Variants in GABRP observed in about 807,000 individuals in gnomAD.
GABRP encodes the protein gamma-aminobutyric acid receptor subunit pi.
GABRP carries 52 observed loss-of-function variants against 47.8 expected under a neutral mutation model. That is an observed-to-expected ratio of 1.09 (90% CI 0.87 to 1.37). The LOEUF is 1.37. Among genes scored for constraint, GABRP ranks in the 40% most tolerant of loss-of-function variants. The pLI is 0.00. For synonymous variants in GABRP, 221 were observed against 205.8 expected, an observed-to-expected ratio of 1.07 and a Z score of -0.63; for missense variants, 525 against 542.8, an observed-to-expected ratio of 0.97 and a Z score of 0.33.
At chr5:170,793,533 A>G (rs889339687) in intron 3 of GABRP, among the ~76,000 whole-genome samples, 1 of 152,212 alleles carries the variant, frequency 6.6e-6, no homozygotes, top group African/African-American at 2.4e-5. Context: ...GAAGAGAAGC[A>G]AAGTATCAGG....
chr5:170,809,108 T>C (rs950463881), intron 8 of GABRP, among the ~76,000 whole-genome samples: 22 of 152,154 alleles, frequency 1.4e-4, no homozygotes, highest in African/African-American at 5.3e-4. Context: ...AACTTATTTT[T>C]GTATTTTTAG....
intron 6 of GABRP, among the ~76,000 whole-genome samples, chr5:170,801,789 C>T (rs544979345): frequency 6.6e-6 from 1 of 151,596 alleles, no homozygotes; most frequent in South Asian, 2.1e-4. Flanking sequence ...GAGAACTCTA[C>T]AGTCTAATAG....
intron 1 of GABRP, 120 bp from the exon 2 acceptor site, chr5:170,788,454 G>C (rs1390123833): frequency 4.7e-6 from 3 of 637,158 alleles, no homozygotes; most frequent in Non-Finnish European, 8.5e-6. Flanking sequence ...TATGGAAAGA[G>C]GCTGCTTCCT....
chr5:170,788,143 T>C (rs1162863738), intron 1 of GABRP: 1 of 152,922 alleles, frequency 6.5e-6, no homozygotes, highest in Non-Finnish European at 1.5e-5. Flanking sequence ...TTGAGCTGGT[T>C]CGAGACCAGC....
At chr5:170,810,343 T>G (rs1421151424) in intron 9 of GABRP, among the ~76,000 whole-genome samples, 1 of 152,200 alleles carries the variant, frequency 6.6e-6, no homozygotes, top group East Asian at 1.9e-4. Context: ...ACAAGCCTTT[T>G]GCAAATACTA....
Position 170,795,926 on chromosome 5 carries a change from T to C in GABRP, c.458+501T>C, listed in dbSNP as rs183434079. 2.3e-3 allele frequency among the ~76,000 whole-genome samples: 349 copies of C among 152,308 alleles called. 1 individual carries two copies. The highest frequency in any genetic ancestry group is 7.4e-3 in the African/African-American group (309 of 41,548). On this transcript the variant is annotated intron_variant, in intron 5 of 9. Coordinates refer to ENST00000265294, the MANE Select transcript of GABRP (RefSeq NM_014211.3). ...CCACTCTACTTGTCTGAGTCATGTT[T>C]GTAGAGAAAACCAAGGTGCAGTGCC...
At chr5:170,805,508 C>T (rs1294865846) in intron 6 of GABRP, among the ~76,000 whole-genome samples, 4 of 152,322 alleles carry the variant, frequency 2.6e-5, no homozygotes, top group Non-Finnish European at 5.9e-5. Flanking sequence ...TCTCAATTGA[C>T]GGCAAATCGT....
At chr5:170,810,081 A>C (rs1765842560) in intron 9 of GABRP, 1 of 634,690 alleles carries the variant, frequency 1.6e-6, no homozygotes, top group African/African-American at 1.8e-5. Flanking sequence ...GCTGCTTGCA[A>C]GTTTTATATT....
At chr5:170,811,891 C>G (rs1287340706) in intron 9 of GABRP, 65 bp from the exon 10 acceptor site, 4 of 1,432,458 alleles carry the variant, frequency 2.8e-6, no homozygotes, top group Non-Finnish European at 3.9e-6. Context: ...TTTATTAGCT[C>G]ATTACCTACT....
At chr5:170,789,043 C>T (rs1251839210) in intron 2 of GABRP, 86 bp from the exon 3 acceptor site, 7 of 1,005,204 alleles carry the variant, frequency 7.0e-6, no homozygotes, top group Admixed American at 3.7e-5. Context: ...CCCACACACA[C>T]GTGGGCAAAC....
In GABRP at chr5:170,792,812, G is replaced by A. The variant is rs541609920; in HGVS notation, c.173-1419G>A. Among the ~76,000 whole-genome samples the A allele has an allele frequency of 2.2e-3, 338 of 152,250 alleles. 2 individuals carry two copies. Among genetic ancestry groups the A allele is most frequent in the Non-Finnish European group, 3.8e-3 (257 of 68,032 alleles). ...TAGTTTGCCTTGCCGTATTCCTACC[G>A]ATGAGATGTTTTTAAGCTTCTTTTG... On this transcript the variant is annotated intron_variant, in intron 3 of 9. Transcript: ENST00000265294.
chr5:170,808,804 C>T lies in GABRP; in HGVS notation c.832+52C>T, dbSNP rs751052892. 3 of 1,524,358 alleles carry T rather than the reference C, an allele frequency of 2.0e-6. No homozygotes were observed. The South Asian group carries it at 3.5e-5, about 18-fold the overall frequency. The allele number at this position is 1,524,358 out of a possible 1,614,324, so 94.4% of individuals were successfully genotyped here. On this transcript the variant is annotated intron_variant, in intron 8 of 9. Transcript: ENST00000265294. Reference sequence around the variant, plus strand: ...AAGAACTGGCTTATCAGGTTACTTACTTTTTTTCCTTTTACCATTGTCTTC... The same window carrying T: ...AAGAACTGGCTTATCAGGTTACTTATTTTTTTTCCTTTTACCATTGTCTTC...
rs146561374 is a variant in GABRP at position 170,797,918 on chromosome 5, A to G, written c.541+370A>G. ...GTTTTACTGACACACAGTCGTGCCC[A>G]TGTACTTACACACCGTCTGTGGCTA... On this transcript the variant is annotated intron_variant, in intron 6 of 9. Coordinates refer to ENST00000265294, the MANE Select transcript of GABRP (RefSeq NM_014211.3). 6.5e-4 allele frequency among the ~76,000 whole-genome samples: 99 copies of G among 152,376 alleles called. 1 individual carries two copies. The highest frequency in any genetic ancestry group is 2.3e-3 in the African/African-American group (94 of 41,596).
At chr5:170,801,551 T>C (rs1284263290) in intron 6 of GABRP, among the ~76,000 whole-genome samples, 1 of 152,196 alleles carries the variant, frequency 6.6e-6, no homozygotes, top group Non-Finnish European at 1.5e-5. Context: ...CCAGTGTTTG[T>C]CCTTTCCTGT....
intron 6 of GABRP, among the ~76,000 whole-genome samples, chr5:170,800,156 G>A (rs1765552027): frequency 6.6e-6 from 1 of 152,090 alleles, no homozygotes; most frequent in Non-Finnish European, 1.5e-5. Context: ...ATAGACCAAT[G>A]GAACCAAAGA....
rs570635305 is a variant in GABRP, at chr5:170,788,647, G to A, written c.32G>A (p.Cys11Tyr). Residue 11 changes from cysteine (C) to tyrosine (Y), a missense_variant, in exon 2 of 10, where the codon TGT (cysteine) becomes TAT (tyrosine). Cys to Tyr is a radical substitution (Grantham distance 194, BLOSUM62 -2). Transcript: ENST00000265294. ...TACAGCCTCCACTTGGCCTTCGTGT[G>A]TCTGAGTCTCTTCACTGAGAGGTGA... is the stretch of plus-strand genomic sequence containing the variant. MNYSLHLAFV[C>Y]LSLFTERMCI... The A allele has an allele frequency of 6.2e-7, 1 of 1,614,172 alleles. No individual in the cohort carries two copies. Among genetic ancestry groups the A allele is most frequent in the South Asian group, 1.1e-5 (1 of 91,088 alleles).
At chr5:170,783,444 TGGGTGG>T (rs895986122), upstream of GABRP, among the ~76,000 whole-genome samples, 3 of 152,032 alleles carry the variant, frequency 2.0e-5, no homozygotes, top group African/African-American at 7.2e-5. Context: ...CCCGGCATAG[TGGGTGG>T]GGGTCACCCA....
chr5:170,782,735 A>G (rs953754357), upstream of GABRP: 3 of 152,198 alleles, frequency 2.0e-5, no homozygotes, highest in African/African-American at 4.8e-5. Context: ...CGGCTCCTAG[A>G]CTGGGTCTAG....
At chr5:170,783,194 T>A (rs192084050), upstream of GABRP, among the ~76,000 whole-genome samples, 2 of 152,112 alleles carry the variant, frequency 1.3e-5, no homozygotes, top group Admixed American at 6.5e-5. Context: ...CCTCTATGAG[T>A]CTTTTTGAAA....
Sources: gnomAD v4.1 joint callset for allele counts (sites outside exome capture counted in the v4.1 genomes callset) on GRCh38, gnomAD v4.1.1 for gene constraint, MANE v1.5 for transcripts, NCBI Gene and HGNC (gene_info 2026-07-23, HGNC 2026-07-21) for gene names.